Variants in TP73 observed in about 807,000 individuals in gnomAD.
The protein encoded by TP73 is p53-like transcription factor.
TP73 carries 25 observed loss-of-function variants against 62.5 expected under a neutral mutation model. The ratio of observed to expected loss-of-function variants is 0.40; its 90% CI spans 0.29 to 0.56. The LOEUF (loss-of-function observed/expected upper bound fraction) is 0.56, where lower values mean the gene tolerates loss of function less well. Among genes scored for constraint, TP73 ranks in the 20% least tolerant of loss-of-function variants. TP73 has a pLI of 0.46. For synonymous variants in TP73, 423 were observed against 377.5 expected, an observed-to-expected ratio of 1.12 and a Z score of -1.40; for missense variants, 754 against 913.3, an observed-to-expected ratio of 0.83 and a Z score of 2.25.
At chr1:3,659,189 A>AAC (rs1644935505) in intron 1 of TP73, 1 of 151,620 alleles carries the variant, frequency 6.6e-6, no homozygotes, top group African/African-American at 2.4e-5. Context: ...AAAAAAAAAA[A>AAC]AGCTAATCAT....
intron 1 of TP73, among the ~76,000 whole-genome samples, chr1:3,655,554 A>G (rs878902716): frequency 1.3e-5 from 2 of 152,218 alleles, no homozygotes; most frequent in South Asian, 2.1e-4. Flanking sequence ...AAAAGCTGAG[A>G]TGAGTTACTA....
chr1:3,727,045 G>T, intron 6 of TP73, 70 bp from the exon 7 acceptor site: 1 of 1,364,172 alleles, frequency 7.3e-7, no homozygotes, highest in Non-Finnish European at 1.0e-6. Flanking sequence ...CATGGAGCTG[G>T]GGGCTGCCAC....
chr1:3,696,179 A>C lies in TP73; in HGVS notation c.187-11370A>C, dbSNP rs1638641077. On this transcript the variant is annotated intron_variant, in intron 3 of 13. Coordinates refer to ENST00000378295, the MANE Select transcript of TP73 (RefSeq NM_005427.4). This position sits in a 1 kb window ranked among gnomAD's most constrained non-coding sequence, Gnocchi z 4.1. ...CTGGTGGCTCAGTCCTGTGTGCATC[A>C]GAGGAGGTGGTGGGTGGTGGTCAGG... Among the ~76,000 whole-genome samples the C allele has an allele frequency of 6.6e-6, 1 of 152,108 alleles. No individual in the cohort carries two copies. The highest frequency in any genetic ancestry group is 2.4e-5 in the African/African-American group (1 of 41,424).
chr1:3,680,595 C>T (rs1645496412), intron 1 of TP73, among the ~76,000 whole-genome samples: 1 of 152,244 alleles, frequency 6.6e-6, no homozygotes, highest in Non-Finnish European at 1.5e-5. Flanking sequence ...CCCACCCAGC[C>T]TTGGCCCACA....
At chr1:3,687,479 C>T (rs1030594592) in intron 3 of TP73, among the ~76,000 whole-genome samples, 2 of 152,206 alleles carry the variant, frequency 1.3e-5, no homozygotes, top group South Asian at 2.1e-4. Context: ...CGGACCCACC[C>T]GAGGAGTCTC....
chr1:3,721,583 T>TA (rs1482061604), intron 4 of TP73, among the ~76,000 whole-genome samples: 1 of 152,212 alleles, frequency 6.6e-6, no homozygotes. Context: ...GCTCTGGTCT[T>TA]AAAAACAGAT....
At chr1:3,661,140 A>T (rs751603338) in intron 1 of TP73, among the ~76,000 whole-genome samples, 61 of 152,304 alleles carry the variant, frequency 4.0e-4, no homozygotes, top group Non-Finnish European at 7.8e-4. Flanking sequence ...TTTCCCTTTA[A>T]CATTGGCAAA....
chr1:3,727,926 T>A (rs936895706), intron 8 of TP73, among the ~76,000 whole-genome samples, 156 bp downstream of exon 8: 1 of 152,088 alleles, frequency 6.6e-6, no homozygotes, highest in Non-Finnish European at 1.5e-5. Flanking sequence ...GCAGCCCCCA[T>A]ATAAGTCGCT....
At position 3,670,534 on chromosome 1, in the gene TP73, C is replaced by T. The variant is rs182496496; in HGVS notation, c.-33-11799C>T. ...CAAAAATTAGCTGGGCGTGGTGGCG[C>T]ACACAGCTGTAATCCCAGCTACTGG... On this transcript the variant is annotated intron_variant, in intron 1 of 13. Transcript: ENST00000378295. The surrounding 1 kb of genome is among the most constrained non-coding windows in gnomAD (Gnocchi z 5.9). Among the ~76,000 whole-genome samples the T allele has an allele frequency of 3.9e-5, 6 of 152,180 alleles. No individual in the cohort carries two copies. Among genetic ancestry groups the T allele is most frequent in the Non-Finnish European group, 8.8e-5 (6 of 67,996 alleles).
At chr1:3,658,108 G>A (rs1644905374) in intron 1 of TP73, among the ~76,000 whole-genome samples, 1 of 152,242 alleles carries the variant, frequency 6.6e-6, no homozygotes, top group African/African-American at 2.4e-5. Context: ...CCAGGTGGCA[G>A]GAAGGGCCCT....
At chr1:3,676,476 G>A (rs1645372493) in intron 1 of TP73, among the ~76,000 whole-genome samples, 1 of 151,404 alleles carries the variant, frequency 6.6e-6, no homozygotes, top group African/African-American at 2.4e-5. Flanking sequence ...TTGGGGACAG[G>A]GAGGGAATGC....
chr1:3,703,738 G>C (rs147385355), intron 3 of TP73, among the ~76,000 whole-genome samples: 3 of 152,388 alleles, frequency 2.0e-5, no homozygotes, highest in Non-Finnish European at 4.4e-5. Flanking sequence ...GGATGGAGCA[G>C]GGATGGGAGT....
chr1:3,704,075 G>A (rs567942560), intron 3 of TP73, among the ~76,000 whole-genome samples: 63 of 152,320 alleles, frequency 4.1e-4, no homozygotes, highest in Middle Eastern at 3.4e-3. Flanking sequence ...TCCTGCATTC[G>A]CTTGTTCGTT....
chr1:3,726,648 GATGGATGGATTGATTGATATTGA>G, intron 6 of TP73, among the ~76,000 whole-genome samples: 1 of 143,034 alleles, frequency 7.0e-6, no homozygotes, highest in Non-Finnish European at 1.5e-5. Context: ...GGGGTGGATG[GATGGATGGATTGATTGATATTGA>G]ATGGATGGGT....
At chr1:3,690,518 G>A (rs1185591936) in intron 3 of TP73, among the ~76,000 whole-genome samples, 1 of 152,234 alleles carries the variant, frequency 6.6e-6, no homozygotes, top group Non-Finnish European at 1.5e-5. Context: ...GCCCTGGTGG[G>A]TTTAATTATG....
In TP73 at chr1:3,733,188, C is replaced by A; in HGVS notation, c.*109C>A. ...CAGGAGGCAGGACCTTCGGGCTGTG[C>A]CCGGGGAAAGGCAAGGTCCGGCCCA... On this transcript the variant is annotated 3_prime_UTR_variant, in exon 14 of 14. Transcript: ENST00000378295. 2.3e-6 allele frequency: 3 copies of A among 1,311,344 alleles called. No individual in the cohort carries two copies. Among genetic ancestry groups the A allele is most frequent in the Non-Finnish European group, 1.0e-6 (1 of 980,568 alleles). 81.2% of individuals were successfully genotyped at this position (1,311,344 alleles called of 1,614,324 possible). A position where few individuals can be genotyped will look rare whatever the true frequency, so the allele number is the denominator to read the frequency against.
rs1338521405 is a variant in TP73 at position 3,666,030 on chromosome 1, G to A, written c.-34+13389G>A. 6.7e-6 allele frequency among the ~76,000 whole-genome samples: 1 copy of A among 148,604 alleles called. No homozygotes were observed. ...CCAGCTACTTGGGAGGCTGAGGCAG[G>A]AGAATCGCTTTTGAAGCCAGGAGGC... On this transcript the variant is annotated intron_variant, in intron 1 of 13. Transcript: ENST00000378295. This position sits in a 1 kb window ranked among gnomAD's most constrained non-coding sequence, Gnocchi z 6.4.
intron 1 of TP73, among the ~76,000 whole-genome samples, chr1:3,660,234 G>A (rs1453177008): frequency 3.3e-5 from 5 of 152,182 alleles, no homozygotes; most frequent in Admixed American, 6.5e-5. Flanking sequence ...GGTTCCCAAC[G>A]TATTCTTGAG....
At chr1:3,726,410 G>GATGT in intron 6 of TP73, among the ~76,000 whole-genome samples, 1 of 140,868 alleles carries the variant, frequency 7.1e-6, no homozygotes, top group African/African-American at 2.6e-5. Context: ...TGGATGGATG[G>GATGT]ATGGATGGGG....
Sources: gnomAD v4.1 joint callset for allele counts (sites outside exome capture counted in the v4.1 genomes callset) on GRCh38, gnomAD v4.1.1 for gene constraint, Gnocchi (gnomAD v3.1) non-coding constraint, MANE v1.5 for transcripts, NCBI Gene and HGNC (gene_info 2026-07-23, HGNC 2026-07-21) for gene names.